SNPH: variants seen among roughly 807,000 people sequenced by gnomAD.
The protein encoded by SNPH is syntaphilin.
A neutral mutation model predicts 36.8 loss-of-function variants in SNPH; 10 were observed. The ratio of observed to expected loss-of-function variants is 0.27; its 90% confidence interval spans 0.17 to 0.46. The LOEUF is 0.46. SNPH is among the 20% of genes least tolerant of loss of function. The pLI is 1.00. For synonymous variants in SNPH, 281 were observed against 312.2 expected (o/e 0.90, Z 1.05); for missense variants, 622 against 744.0 (o/e 0.84, Z 1.91).
intron 2 of SNPH, among the ~76,000 whole-genome samples, chr20:1,284,060 T>A (rs1466084104): frequency 6.6e-6 from 1 of 152,228 alleles, no homozygotes; most frequent in African/African-American, 2.4e-5. Flanking sequence ...GTCCTGATAC[T>A]GATGGGCCTG....
Position 1,266,461 on chromosome 20 carries a change from G to A in SNPH, c.-600+64G>A. 2.7e-6 allele frequency: 2 copies of A among 748,582 alleles called. No homozygotes were observed. The highest frequency in any genetic ancestry group is 2.6e-5 in the South Asian group (1 of 38,134). The allele number at this position is 748,582 out of a possible 1,614,324, so 46.4% of individuals were successfully genotyped here. A position where few individuals can be genotyped will look rare whatever the true frequency, so the allele number is the denominator to read the frequency against. ...CCAGCTGCACCCGCCGCAGTCCAGA[G>A]TGCCGAGTGCCAGGGGGTGGGGTGG... is the stretch of plus-strand genomic sequence containing the variant. On this transcript the variant is annotated intron_variant, in intron 1 of 6. Transcript: ENST00000381867. The surrounding 1 kb of genome is among the most constrained non-coding windows in gnomAD (Gnocchi z 6.0).
intron 2 of SNPH, among the ~76,000 whole-genome samples, chr20:1,273,448 C>T (rs1257507741): frequency 1.3e-5 from 2 of 152,216 alleles, no homozygotes; most frequent in African/African-American, 4.8e-5. Flanking sequence ...TACAACCATT[C>T]ATTCAACCAA....
chr20:1,266,455 T>C lies in SNPH; in HGVS notation c.-600+58T>C. The C allele has an allele frequency of 1.4e-6, 1 of 703,020 alleles. No homozygotes were observed. The highest frequency in any genetic ancestry group is 2.1e-6 in the Non-Finnish European group (1 of 474,324). The allele number at this position is 703,020 out of a possible 1,614,324, so 43.5% of individuals were successfully genotyped here. On this transcript the variant is annotated intron_variant, in intron 1 of 6. Coordinates refer to ENST00000381867, the MANE Select transcript of SNPH (RefSeq NM_001318234.2). This position sits in a 1 kb window ranked among gnomAD's most constrained non-coding sequence, Gnocchi z 6.0. ...CACCGCCCAGCTGCACCCGCCGCAG[T>C]CCAGAGTGCCGAGTGCCAGGGGGTG...
intron 2 of SNPH, among the ~76,000 whole-genome samples, chr20:1,269,953 A>G (rs1466260111): frequency 2.0e-5 from 3 of 152,262 alleles, no homozygotes; most frequent in Non-Finnish European, 2.9e-5. Context: ...CAACCAGTGT[A>G]TCATAGAACC....
At chr20:1,274,679 C>T (rs531847498) in intron 2 of SNPH, among the ~76,000 whole-genome samples, 9 of 152,216 alleles carry the variant, frequency 5.9e-5, no homozygotes, top group East Asian at 3.9e-4. Context: ...GGGAAGGGAG[C>T]GGAAGAGGAC....
In SNPH at chr20:1,305,628, C is replaced by A; in HGVS notation, c.1191C>A (p.Ala397=). The A allele has an allele frequency of 1.9e-6, 3 of 1,613,522 alleles. No individual in the cohort carries two copies. Among genetic ancestry groups the A allele is most frequent in the Non-Finnish European group, 1.7e-6 (2 of 1,180,010 alleles). The change falls in exon 7 of 7, where the codon GCC becomes GCA. Residue 397 remains alanine (A), a synonymous_variant. Transcript: ENST00000381867. ...GGGACAGGTGCCCAGAGCTGGATGCCCACCCTTCAGGGCCCAGAGACCCCA... is the reference window on the plus strand; with the variant it reads ...GGGACAGGTGCCCAGAGCTGGATGCACACCCTTCAGGGCCCAGAGACCCCA... The part of the protein sequence containing the change: ...ESGDRCPELD[A]HPSGPRDPNS...
intron 2 of SNPH, among the ~76,000 whole-genome samples, chr20:1,293,750 C>T (rs141661518): frequency 0.013 from 1,994 of 152,248 alleles, 24 homozygotes; most frequent in Middle Eastern, 0.061. Context: ...GTTAGCTATA[C>T]GCAGGTACAA....
At chr20:1,272,120 T>C (rs2122235306) in intron 2 of SNPH, among the ~76,000 whole-genome samples, 1 of 152,330 alleles carries the variant, frequency 6.6e-6, no homozygotes, top group South Asian at 2.1e-4. Flanking sequence ...ATTGAATACA[T>C]TTTGCTTTGT....
At chr20:1,295,673 T>C (rs889578489) in intron 3 of SNPH, 103 bp from the exon 4 acceptor site, 1 of 152,724 alleles carries the variant, frequency 6.5e-6, no homozygotes, top group East Asian at 1.9e-4. Flanking sequence ...GCGTGTGGCA[T>C]GTCTTGGAAT....
intron 2 of SNPH, among the ~76,000 whole-genome samples, chr20:1,267,557 C>T (rs1368655535): frequency 6.6e-6 from 1 of 152,148 alleles, no homozygotes; most frequent in African/African-American, 2.4e-5. Flanking sequence ...TGCTAGTTGG[C>T]CACAAGTAGC....
At chr20:1,287,217 A>G (rs147038906) in intron 2 of SNPH, among the ~76,000 whole-genome samples, 21 of 152,242 alleles carry the variant, frequency 1.4e-4, no homozygotes, top group African/African-American at 4.8e-4. Flanking sequence ...TTGAATCTCA[A>G]TGTCATTATT....
chr20:1,277,534 CAT>C (rs1009742001), intron 2 of SNPH, among the ~76,000 whole-genome samples: 12 of 117,076 alleles, frequency 1.0e-4, no homozygotes, highest in Middle Eastern at 5.5e-3. Flanking sequence ...TCTGTCTGTG[CAT>C]GTGTGTCTGT....
rs1600240766 is a variant in SNPH at position 1,266,560 on chromosome 20, C to T, written c.-599-94C>T. 5.1e-6 allele frequency: 7 copies of T among 1,376,262 alleles called. No individual in the cohort carries two copies. In the East Asian group the frequency reaches 1.5e-4, roughly 30 times the overall value. The allele number at this position is 1,376,262 out of a possible 1,614,324, so 85.3% of individuals were successfully genotyped here. ...TGCCCTCCAAGCCTTCTGGCTGCAG[C>T]GGCCCAGCTGTCAGCGGCCGGGGGC... On this transcript the variant is annotated intron_variant, in intron 1 of 6. Transcript: ENST00000381867. The surrounding 1 kb of genome is among the most constrained non-coding windows in gnomAD (Gnocchi z 6.0).
rs2088495332 is a variant in SNPH, at chr20:1,300,647, A to T, written c.376A>T (p.Lys126Ter). Residue 126 changes from lysine to a stop codon, truncating the protein, a stop_gained, in exon 6 of 7, where the codon AAG (lysine) becomes TAG (stop). Transcript: ENST00000381867. LOFTEE classifies it high-confidence loss of function. ...GCAGTACCTGACCCCCCTGCAGCAG[A>T]AGGAGGTGTGCATCCGGCACCTGAA... ...PEQYLTPLQQ[K>*]EVCIRHLKAR... The T allele has an allele frequency of 6.2e-7, 1 of 1,613,186 alleles. No homozygotes were observed. The highest frequency in any genetic ancestry group is 1.3e-5 in the African/African-American group (1 of 74,888).
Position 1,307,914 on chromosome 20 carries a change from C to G in SNPH, c.*1860C>G, listed in dbSNP as rs1293966184. The G allele has an allele frequency of 2.0e-5, 3 of 152,666 alleles. No homozygotes were observed. Among genetic ancestry groups the G allele is most frequent in the Non-Finnish European group, 4.4e-5 (3 of 68,150 alleles). The allele number at this position is 152,666 out of a possible 1,614,324, so 9.5% of individuals were successfully genotyped here. On this transcript the variant is annotated 3_prime_UTR_variant, in exon 7 of 7. Transcript: ENST00000381867. ...GCCACGGAGGGGGCAGTGGACAAAA[C>G]CAATCCAAAGCCAAGCCGGGACTGG... is the stretch of plus-strand genomic sequence containing the variant.
chr20:1,287,016 T>C (rs2088291483), intron 2 of SNPH, among the ~76,000 whole-genome samples: 1 of 152,180 alleles, frequency 6.6e-6, no homozygotes, highest in Non-Finnish European at 1.5e-5. Context: ...GGACCCACTT[T>C]GCCGACTCCC....
intron 2 of SNPH, among the ~76,000 whole-genome samples, chr20:1,292,475 C>T (rs2088375139): frequency 6.6e-6 from 1 of 152,206 alleles, no homozygotes; most frequent in South Asian, 2.1e-4. Context: ...GGGTCCAGGC[C>T]CTTTTCTCCA....
intron 2 of SNPH, among the ~76,000 whole-genome samples, chr20:1,281,150 C>A (rs546349946): frequency 6.6e-6 from 1 of 152,172 alleles, no homozygotes; most frequent in African/African-American, 2.4e-5. Context: ...CTTCCCTTTC[C>A]GTCATTCCCT....
At chr20:1,282,320 C>T (rs2088235197) in intron 2 of SNPH, among the ~76,000 whole-genome samples, 4 of 152,168 alleles carry the variant, frequency 2.6e-5, no homozygotes, top group Admixed American at 6.5e-5. Flanking sequence ...AAATGTTCAA[C>T]AGAGAGGGAG....
Sources: gnomAD v4.1 joint callset for allele counts (sites outside exome capture counted in the v4.1 genomes callset) on GRCh38, gnomAD v4.1.1 for gene constraint, Gnocchi (gnomAD v3.1) non-coding constraint, MANE v1.5 for transcripts, NCBI Gene and HGNC (gene_info 2026-07-23, HGNC 2026-07-21) for gene names.